The following EEFSEC variants were observed in gnomAD, a reference collection of about 807,000 sequenced individuals.
EEFSEC encodes the protein selenocysteine-specific elongation factor.
Under a neutral mutation model 42.1 loss-of-function variants are expected in EEFSEC, and 43 were observed. The observed-to-expected ratio is 1.02, with a 90% confidence interval of 0.80 to 1.32. The LOEUF (loss-of-function observed/expected upper bound fraction) is 1.32. Among genes scored for constraint, EEFSEC ranks in the 40% most tolerant of loss-of-function variants. The pLI, the probability that EEFSEC is intolerant of heterozygous loss-of-function variation, is 0.00. For missense variants in EEFSEC, 745 were observed against 803.6 expected (o/e 0.93, Z 0.88); for synonymous variants, 354 against 339.1 (o/e 1.04, Z -0.48).
the EEFSEC span, among the ~76,000 whole-genome samples, chr3:128,422,163 C>T: frequency 3.3e-4 from 50 of 152,266 alleles, no homozygotes; most frequent in African/African-American, 1.1e-3. Context: ...AGAGCCTGGG[C>T]CAGTGCTCTG....
At chr3:128,337,603 A>G (rs975852644) in intron 4 of EEFSEC, among the ~76,000 whole-genome samples, 2 of 152,174 alleles carry the variant, frequency 1.3e-5, no homozygotes, top group African/African-American at 4.8e-5. Flanking sequence ...TTTCTTTTCC[A>G]GAATCTGATG....
intron 6 of EEFSEC, among the ~76,000 whole-genome samples, chr3:128,361,669 C>A (rs904250138): frequency 6.6e-6 from 1 of 152,234 alleles, no homozygotes; most frequent in African/African-American, 2.4e-5. Flanking sequence ...ACGGCCCCAT[C>A]CTTCCTGATA....
At chr3:128,155,528 T>C (rs541232931) in intron 1 of EEFSEC, among the ~76,000 whole-genome samples, 1 of 152,336 alleles carries the variant, frequency 6.6e-6, no homozygotes, top group African/African-American at 2.4e-5. Context: ...TACAATAATA[T>C]AAACACATGG....
chr3:128,175,111 ACTC>A (rs1285798020), intron 1 of EEFSEC, among the ~76,000 whole-genome samples: 1 of 127,140 alleles, frequency 7.9e-6, no homozygotes, highest in Non-Finnish European at 1.7e-5. Context: ...CCTCTGCTCT[ACTC>A]CTCCTCCCTT....
At chr3:128,270,770 C>A (rs115775490) in intron 4 of EEFSEC, among the ~76,000 whole-genome samples, 91 of 152,340 alleles carry the variant, frequency 6.0e-4, no homozygotes, top group African/African-American at 2.1e-3. Flanking sequence ...TTGCTTCTCT[C>A]CTTGGAGCCC....
At chr3:128,192,128 T>C (rs1261210434) in intron 1 of EEFSEC, among the ~76,000 whole-genome samples, 1 of 152,200 alleles carries the variant, frequency 6.6e-6, no homozygotes, top group Admixed American at 6.5e-5. Context: ...ATGATGGAGC[T>C]GACCCTGGAG....
chr3:128,226,164 C>T (rs955470016), intron 1 of EEFSEC, among the ~76,000 whole-genome samples: 1 of 152,108 alleles, frequency 6.6e-6, no homozygotes, highest in Admixed American at 6.5e-5. Flanking sequence ...TTTATTTCAC[C>T]TTGAAGGAAA....
chr3:128,382,710 A>T (rs1426808124), intron 6 of EEFSEC, among the ~76,000 whole-genome samples: 2 of 152,174 alleles, frequency 1.3e-5, no homozygotes, highest in Non-Finnish European at 2.9e-5. Flanking sequence ...CCCCTGCCAA[A>T]GGCAGCCTGA....
chr3:128,187,832 C>A (rs1222433544), intron 1 of EEFSEC, among the ~76,000 whole-genome samples: 1 of 152,210 alleles, frequency 6.6e-6, no homozygotes, highest in African/African-American at 2.4e-5. Context: ...TGATTAAAGT[C>A]TGCCTGGTAG....
At chr3:128,171,667 C>A (rs529537968) in intron 1 of EEFSEC, among the ~76,000 whole-genome samples, 2 of 152,252 alleles carry the variant, frequency 1.3e-5, no homozygotes, top group African/African-American at 4.8e-5. Context: ...TCCCTGCCTT[C>A]CAGAGGCACA....
At chr3:128,375,164 C>T (rs2067695209) in intron 6 of EEFSEC, among the ~76,000 whole-genome samples, 1 of 152,246 alleles carries the variant, frequency 6.6e-6, no homozygotes, top group African/African-American at 2.4e-5. Flanking sequence ...TGCCTGGACC[C>T]TTAGAACTGT....
chr3:128,347,958 T>C (rs370393783), intron 5 of EEFSEC, among the ~76,000 whole-genome samples: 45 of 152,202 alleles, frequency 3.0e-4, no homozygotes, highest in African/African-American at 1.0e-3. Context: ...TTGAATAGAG[T>C]ATACATTTTT....
At position 128,301,347 on chromosome 3, in the gene EEFSEC, G is replaced by A. The variant is rs2066766461; in HGVS notation, c.786+36566G>A. Among the ~76,000 whole-genome samples, 3 of 152,184 alleles carry A rather than the reference G, an allele frequency of 2.0e-5. No individual in the cohort carries two copies. In the South Asian group the frequency reaches 6.2e-4, roughly 32 times the overall value. ...TCCTACCCATATGTAAAAAGGCTTGGTGTACATCTCACTTCCCCTGTGAAG... is the reference window on the plus strand; with the variant it reads ...TCCTACCCATATGTAAAAAGGCTTGATGTACATCTCACTTCCCCTGTGAAG... On this transcript the variant is annotated intron_variant, in intron 4 of 6. Coordinates refer to ENST00000254730, the MANE Select transcript of EEFSEC (RefSeq NM_021937.5).
chr3:128,358,256 A>G lies in EEFSEC; in HGVS notation c.1483A>G (p.Lys495Glu), dbSNP rs1472033089. 6.2e-7 allele frequency: 1 copy of G among 1,614,184 alleles called. No homozygotes were observed. The highest frequency in any genetic ancestry group is 1.1e-5 in the South Asian group (1 of 91,084). Residue 495 changes from lysine (K) to glutamate (E), a missense_variant, in exon 6 of 7, where the codon AAA becomes GAA. Coordinates refer to ENST00000254730, the MANE Select transcript of EEFSEC (RefSeq NM_021937.5). ...DYSVIGRSLF[K>E]KETNIQLFVG... The stretch of plus-strand genomic sequence containing the variant: ...CAGTGTGATCGGCCGCTCCCTGTTC[A>G]AAAAGGAAACCAACATCCAGCTCTT...
chr3:128,403,324 C>T (rs745308483), intron 6 of EEFSEC, among the ~76,000 whole-genome samples: 5 of 152,142 alleles, frequency 3.3e-5, no homozygotes, highest in African/African-American at 1.2e-4. Context: ...GACACAGGGG[C>T]GGGGCTGTGA....
chr3:128,289,985 T>G (rs543042423), intron 4 of EEFSEC, among the ~76,000 whole-genome samples: 1 of 152,366 alleles, frequency 6.6e-6, no homozygotes, highest in African/African-American at 2.4e-5. Context: ...AGGGCACATG[T>G]CCTTTGTCAG....
intron 4 of EEFSEC, among the ~76,000 whole-genome samples, chr3:128,267,398 C>T (rs565195741): frequency 6.6e-6 from 1 of 152,242 alleles, no homozygotes; most frequent in Admixed American, 6.5e-5. Context: ...CCTGTTTTTC[C>T]CCAGCCTACT....
rs140893606 is a variant in EEFSEC, at chr3:128,179,014, G to A, written c.316+25191G>A. Among the ~76,000 whole-genome samples, 12 of 152,326 alleles carry A rather than the reference G, an allele frequency of 7.9e-5. No homozygotes were observed. In the East Asian group the frequency reaches 1.2e-3, roughly 15 times the overall value. On this transcript the variant is annotated intron_variant, in intron 1 of 6. Coordinates refer to ENST00000254730, the MANE Select transcript of EEFSEC (RefSeq NM_021937.5). ...TTTAGGGCATTTTTTTACTGTGATT[G>A]TAGGGAGTAAGATATTTGTTTTTAC...
intron 2 of EEFSEC, among the ~76,000 whole-genome samples, chr3:128,261,431 G>C (rs1055913245): frequency 6.6e-6 from 1 of 151,936 alleles, no homozygotes; most frequent in Non-Finnish European, 1.5e-5. Flanking sequence ...ATATGAAATC[G>C]TATACATACT....
Sources: allele counts gnomAD v4.1 joint callset (sites outside exome capture counted in the v4.1 genomes callset), GRCh38; gene constraint gnomAD v4.1.1; transcripts MANE v1.5; gene names NCBI Gene and HGNC (gene_info 2026-07-23, HGNC 2026-07-21).